RBFOX1: variants seen among roughly 807,000 people sequenced by gnomAD.
RBFOX1 encodes the protein RNA binding fox-1 homolog 1, also known as RNA binding protein fox-1 homolog 1.
Under a neutral mutation model 57.7 loss-of-function variants are expected in RBFOX1, and 8 were observed. The ratio of observed to expected loss-of-function variants is 0.14; its 90% CI spans 0.08 to 0.25. RBFOX1 has a LOEUF of 0.25. Ranked by LOEUF, RBFOX1 falls within the 10% of genes least tolerant of loss-of-function variation. The probability of loss-of-function intolerance (pLI) is 1.00; values close to 1 mark genes in which losing one functional copy is unlikely to be tolerated. For missense variants in RBFOX1, 611 were observed against 548.5 expected, an observed-to-expected ratio of 1.11 and a Z score of -1.14; for synonymous variants, 326 against 222.4, an observed-to-expected ratio of 1.47 and a Z score of -4.15.
In RBFOX1 at chr16:5,735,831, G is replaced by A. The variant is rs537465663; in HGVS notation, c.319-131472G>A. On this transcript the variant is annotated intron_variant, in intron 3 of 19. Transcript: ENST00000641259. ...GCGGAGGTTGCAGTGAGCCAAGATG[G>A]CACCACTGCACTCCAGCCTTGGTGA... Among the ~76,000 whole-genome samples the A allele has an allele frequency of 9.2e-5, 14 of 152,104 alleles. No individual in the cohort carries two copies. The East Asian group carries it at 2.7e-3, about 30-fold the overall frequency.
intron 1 of RBFOX1, among the ~76,000 whole-genome samples, chr16:6,136,408 C>G (rs1597661241): frequency 6.6e-6 from 1 of 152,040 alleles, no homozygotes; most frequent in East Asian, 1.9e-4. Context: ...GAGTAGGAAA[C>G]AAGTTGAGAC....
chr16:6,265,510 C>T (rs1334825857), intron 1 of RBFOX1, among the ~76,000 whole-genome samples: 2 of 152,300 alleles, frequency 1.3e-5, no homozygotes, highest in East Asian at 1.9e-4. Flanking sequence ...GATCCACCCA[C>T]CTCGGCCTCC....
At chr16:7,222,655 T>TA (rs2092815585) in intron 4 of RBFOX1, among the ~76,000 whole-genome samples, 1 of 152,216 alleles carries the variant, frequency 6.6e-6, no homozygotes, top group African/African-American at 2.4e-5. Context: ...TTAGCCCCCT[T>TA]ACCTCTTTGT....
At chr16:5,684,331 G>C (rs1017245644) in intron 3 of RBFOX1, among the ~76,000 whole-genome samples, 2 of 152,136 alleles carry the variant, frequency 1.3e-5, no homozygotes, top group African/African-American at 4.8e-5. Context: ...CCCTGTAAGA[G>C]AACCCTGACT....
At chr16:6,959,829 C>T (rs1014407461) in intron 3 of RBFOX1, among the ~76,000 whole-genome samples, 7 of 152,144 alleles carry the variant, frequency 4.6e-5, no homozygotes, top group South Asian at 2.1e-4. Flanking sequence ...TCCAGCTACT[C>T]GGGAGGCTGA....
chr16:5,652,456 T>C (rs2880428), intron 3 of RBFOX1, among the ~76,000 whole-genome samples: 100,320 of 152,022 alleles, frequency 0.66, 37,123 homozygotes, highest in Non-Finnish European at 0.82. Flanking sequence ...CTGTATCACA[T>C]GTTACAGGAG....
chr16:7,151,896 A>C (rs2076181367), intron 4 of RBFOX1, among the ~76,000 whole-genome samples: 1 of 152,128 alleles, frequency 6.6e-6, no homozygotes, highest in African/African-American at 2.4e-5. Context: ...TGCCGATCTG[A>C]CAGGAGGTGG....
chr16:7,474,442 T>TGTG (rs1332867125), intron 4 of RBFOX1, among the ~76,000 whole-genome samples: 106 of 152,318 alleles, frequency 7.0e-4, no homozygotes, highest in African/African-American at 2.5e-3. Flanking sequence ...TGTTTTACAA[T>TGTG]TAAGGATAAC....
chr16:6,444,440 G>T (rs2094445448), intron 2 of RBFOX1, among the ~76,000 whole-genome samples: 1 of 152,090 alleles, frequency 6.6e-6, no homozygotes, highest in Admixed American at 6.6e-5. Flanking sequence ...CATGGGAGTG[G>T]GTCTTTCTCA....
chr16:6,578,057 G>A (rs553656198), intron 2 of RBFOX1, among the ~76,000 whole-genome samples: 1 of 152,170 alleles, frequency 6.6e-6, no homozygotes, highest in African/African-American at 2.4e-5. Context: ...TTACTTTTCT[G>A]TGTTACAACA....
downstream of RBFOX1, among the ~76,000 whole-genome samples, chr16:5,601,886 C>T (rs2047376835): frequency 6.6e-6 from 1 of 152,196 alleles, no homozygotes; most frequent in Non-Finnish European, 1.5e-5. Context: ...AGATTTTTAG[C>T]TCTCTTGGGT....
chr16:6,587,397 T>A (rs1246119951), intron 2 of RBFOX1, among the ~76,000 whole-genome samples: 1 of 152,156 alleles, frequency 6.6e-6, no homozygotes, highest in Non-Finnish European at 1.5e-5. Flanking sequence ...TTCTCCTGCC[T>A]CAGCCTCCTG....
intron 3 of RBFOX1, among the ~76,000 whole-genome samples, chr16:6,848,107 G>C (rs144165262): frequency 6.6e-6 from 1 of 152,004 alleles, no homozygotes; most frequent in South Asian, 2.1e-4. Flanking sequence ...GCTGGGATTT[G>C]CAGGTGTGAG....
chr16:5,957,474 C>T (rs957593351), intron 4 of RBFOX1, among the ~76,000 whole-genome samples: 33 of 152,136 alleles, frequency 2.2e-4, no homozygotes, highest in African/African-American at 8.0e-4. Flanking sequence ...ATCTGCCTGA[C>T]TCGGCCTCCC....
At chr16:5,683,672 G>C (rs1402873678) in intron 3 of RBFOX1, among the ~76,000 whole-genome samples, 1 of 151,536 alleles carries the variant, frequency 6.6e-6, no homozygotes, top group Admixed American at 6.6e-5. Flanking sequence ...TTGCTCCTCA[G>C]CTTACACACG....
At chr16:6,402,489 G>A (rs2093114966) in intron 2 of RBFOX1, among the ~76,000 whole-genome samples, 1 of 152,086 alleles carries the variant, frequency 6.6e-6, no homozygotes, top group Non-Finnish European at 1.5e-5. Context: ...CATACTGAAG[G>A]GTGGTTGAAG....
intron 4 of RBFOX1, among the ~76,000 whole-genome samples, chr16:7,234,525 G>C (rs988439605): frequency 3.9e-5 from 6 of 151,930 alleles, no homozygotes; most frequent in African/African-American, 1.5e-4. Flanking sequence ...TAAGCATCGT[G>C]TCCTGGATAG....
chr16:7,430,237 T>A (rs1278432640), intron 4 of RBFOX1, among the ~76,000 whole-genome samples: 1 of 152,240 alleles, frequency 6.6e-6, no homozygotes, highest in Non-Finnish European at 1.5e-5. Context: ...TCTTCACTCA[T>A]AGCCATTCCC....
At chr16:6,101,137 T>C (rs2096302399) in intron 1 of RBFOX1, among the ~76,000 whole-genome samples, 1 of 152,318 alleles carries the variant, frequency 6.6e-6, no homozygotes, top group Non-Finnish European at 1.5e-5. Flanking sequence ...AATACTGACT[T>C]CTGAGAAAGG....
Sources: gnomAD v4.1 joint callset for allele counts (sites outside exome capture counted in the v4.1 genomes callset) on GRCh38, gnomAD v4.1.1 for gene constraint, MANE v1.5 for transcripts, NCBI Gene and HGNC (gene_info 2026-07-23, HGNC 2026-07-21) for gene names.